RRP36: variants seen among roughly 807,000 people sequenced by gnomAD.
RRP36 encodes ribosomal RNA processing 36.
RRP36 carries 44 observed loss-of-function variants against 39.8 expected under a neutral mutation model. The observed-to-expected ratio is 1.10, with a 90% confidence interval of 0.87 to 1.42. RRP36 has a LOEUF of 1.42. RRP36 is among the 40% of genes most tolerant of loss of function. The pLI is 0.00. For synonymous variants in RRP36, 124 were observed against 123.1 expected (o/e 1.01, Z -0.05); for missense variants, 316 against 322.4 (o/e 0.98, Z 0.15).
chr6:43,024,995 CAT>C lies in RRP36; in HGVS notation c.142_143del (p.Met48ValfsTer3), dbSNP rs1222865785. On this transcript the variant is annotated frameshift_variant, in exon 2 of 7. Coordinates refer to ENST00000244496, the MANE Select transcript of RRP36 (RefSeq NM_033112.4). LOFTEE classifies it high-confidence loss of function. ...TCCCCACTTCCACAGGCACATCTAA[CAT>C]GTCATTTGAGGAGCTGTTGGAATTG... ...ARDLLRGTSN[M>X]SFEELLELQS... 3.1e-6 allele frequency: 5 copies of C among 1,613,784 alleles called. No homozygotes were observed. Among genetic ancestry groups the C allele is most frequent in the Admixed American group, 3.3e-5 (2 of 59,988 alleles).
At chr6:43,021,916 G>A in intron 1 of RRP36, 132 bp downstream of exon 1, 1 of 620,956 alleles carries the variant, frequency 1.6e-6, no homozygotes, top group Non-Finnish European at 2.2e-6. Flanking sequence ...GGTGCCCCCA[G>A]TGCAGTGGAA....
rs750491646 is a variant in RRP36, at chr6:43,029,187, G to A, written c.739G>A (p.Ala247Thr). The change falls in exon 7 of 7, where the codon GCA becomes ACA. Residue 247 changes from alanine to threonine, a missense_variant. Transcript: ENST00000244496. ...NFLSRKRRRN[A>T]GKDRRHLPLS... is the part of the protein sequence containing the mutation. ...CTTGAGTCGAAAGAGGCGACGAAAT[G>A]CAGGCAAGGACAGGAGACATCTCCC... 3.7e-6 allele frequency: 6 copies of A among 1,614,256 alleles called. No individual in the cohort carries two copies. The Admixed American group carries it at 8.3e-5, about 22-fold the overall frequency.
rs750654811 is a variant in RRP36 at position 43,025,144 on chromosome 6, T to C, written c.278+12T>C. On this transcript the variant is annotated intron_variant, in intron 2 of 6. Coordinates refer to ENST00000244496, the MANE Select transcript of RRP36 (RefSeq NM_033112.4). ...GCAGATAAGCACAGGTAAGCAAGGC[T>C]TGCCCTAGAAGTTGGAAGATAACTG... 6.2e-7 allele frequency: 1 copy of C among 1,614,006 alleles called. No homozygotes were observed. The highest frequency in any genetic ancestry group is 8.5e-7 in the Non-Finnish European group (1 of 1,179,906).
intron 1 of RRP36, among the ~76,000 whole-genome samples, chr6:43,023,101 A>C (rs1762756430): frequency 6.6e-6 from 1 of 152,208 alleles, no homozygotes; most frequent in African/African-American, 2.4e-5. Flanking sequence ...TAAAGTAGTC[A>C]AACACTCCTA....
chr6:43,027,217 G>C lies in RRP36; in HGVS notation c.490G>C (p.Glu164Gln), dbSNP rs1762828086. ...GTTGAAGAAGCACCTTTCAGGAGAG[G>C]AGCATGAGAAACTGCAGCAACTGCT... is the stretch of plus-strand genomic sequence containing the variant. ...KQLKKHLSGE[E>Q]HEKLQQLLQR... Residue 164 changes from glutamate (E) to glutamine (Q), a missense_variant, in exon 5 of 7, where the codon GAG becomes CAG. By Grantham distance (29) the Glu-to-Gln change is conservative. Transcript: ENST00000244496. The C allele has an allele frequency of 6.2e-7, 1 of 1,614,098 alleles. No homozygotes were observed. Among genetic ancestry groups the C allele is most frequent in the African/African-American group, 1.3e-5 (1 of 74,940 alleles).
chr6:43,028,466 G>A (rs1762857008), intron 6 of RRP36, among the ~76,000 whole-genome samples: 2 of 151,686 alleles, frequency 1.3e-5, no homozygotes, highest in African/African-American at 2.4e-5. Context: ...TGGCAAACAT[G>A]GTGAAACCCC....
At chr6:43,028,183 T>C (rs773698536) in intron 6 of RRP36, among the ~76,000 whole-genome samples, 1 of 147,720 alleles carries the variant, frequency 6.8e-6, no homozygotes, top group African/African-American at 2.5e-5. Context: ...ATAAAAAAAT[T>C]AGCCGGGCCT....
At position 43,029,158 on chromosome 6, in the gene RRP36, ACTT is replaced by A; in HGVS notation, c.714_716del (p.Phe238del). 1 of 1,614,206 alleles carries A rather than the reference ACTT, an allele frequency of 6.2e-7. No individual in the cohort carries two copies. The highest frequency in any genetic ancestry group is 8.5e-7 in the Non-Finnish European group (1 of 1,180,038). ...CTGAAACGCAGCAAGAAATTGGAGA[ACTT>A]CTTGAGTCGAAAGAGGCGACGAAAT... On this transcript the variant is annotated inframe_deletion, in exon 7 of 7. Coordinates refer to ENST00000244496, the MANE Select transcript of RRP36 (RefSeq NM_033112.4).
At chr6:43,027,530 G>T (rs1762836244) in intron 6 of RRP36, 53 bp downstream of exon 6, 2 of 1,453,484 alleles carry the variant, frequency 1.4e-6, no homozygotes, top group Non-Finnish European at 1.9e-6. Context: ...GGGCCATGGT[G>T]GTAGAGTCTT....
At chr6:43,022,726 G>A (rs1762747655) in intron 1 of RRP36, among the ~76,000 whole-genome samples, 1 of 146,278 alleles carries the variant, frequency 6.8e-6, no homozygotes, top group Admixed American at 7.0e-5. Flanking sequence ...TCCGCCTCCC[G>A]TGTTTACGCC....
At chr6:43,027,828 T>TACACACAC (rs143577260) in intron 6 of RRP36, among the ~76,000 whole-genome samples, 2 of 139,184 alleles carry the variant, frequency 1.4e-5, no homozygotes, top group African/African-American at 5.4e-5. Context: ...TCTCTTGGTC[T>TACACACAC]ACACACACAC....
rs765745200 is a variant in RRP36, at chr6:43,029,097, C to T, written c.649C>T (p.Gln217Ter). 4 of 1,614,184 alleles carry T rather than the reference C, an allele frequency of 2.5e-6. No homozygotes were observed. In the South Asian group the frequency reaches 3.3e-5, roughly 13 times the overall value. The change falls in exon 7 of 7, where the codon CAG becomes TAG. Residue 217 changes from glutamine (Q) to a stop codon, truncating the protein, a stop_gained. Coordinates refer to ENST00000244496, the MANE Select transcript of RRP36 (RefSeq NM_033112.4). LOFTEE classifies it high-confidence loss of function. ...HRPYFLKKSE[Q>*]RQLALAEKFK... ...TCATTCTCCCTGTCATTTAGCTGAG[C>T]AGCGCCAGTTGGCACTAGCTGAGAA...
At chr6:43,025,622 CAAAAAAA>C (rs1219326852) in intron 3 of RRP36, among the ~76,000 whole-genome samples, 1 of 63,714 alleles carries the variant, frequency 1.6e-5, no homozygotes, top group East Asian at 4.4e-4. Context: ...GACTCTGTCT[CAAAAAAA>C]AAAAAAAAAA....
At chr6:43,028,993 C>T (rs1561864563) in intron 6 of RRP36, 99 bp from the exon 7 acceptor site, 1 of 1,483,940 alleles carries the variant, frequency 6.7e-7, no homozygotes. Flanking sequence ...TTAAAGAACT[C>T]ATGTATCCAG....
chr6:43,025,492 G>A (rs1266919892), intron 3 of RRP36, among the ~76,000 whole-genome samples, 163 bp downstream of exon 3: 2 of 151,866 alleles, frequency 1.3e-5, no homozygotes, highest in Non-Finnish European at 2.9e-5. Flanking sequence ...GCATGGTGGT[G>A]TGTGCCTGTA....
At chr6:43,029,057 T>G (rs768317764) in intron 6 of RRP36, 35 bp from the exon 7 acceptor site, 5 of 1,612,112 alleles carry the variant, frequency 3.1e-6, no homozygotes, top group Non-Finnish European at 4.2e-6. Flanking sequence ...GGCTTCCTTC[T>G]TTGTTCACCA....
intron 1 of RRP36, among the ~76,000 whole-genome samples, chr6:43,022,944 T>G (rs1009554145): frequency 6.6e-6 from 1 of 152,068 alleles, no homozygotes; most frequent in African/African-American, 2.4e-5. Flanking sequence ...TCTCATCATG[T>G]TACCAGGTGC....
Position 43,025,000 on chromosome 6 carries a change from C to G in RRP36, c.146C>G (p.Ser49Ter). ...ACTTCCACAGGCACATCTAACATGT[C>G]ATTTGAGGAGCTGTTGGAATTGCAG... ...RDLLRGTSNM[S>*]FEELLELQSQ... is the part of the protein sequence containing the mutation. Residue 49 changes from serine (S) to a stop codon, truncating the protein, a stop_gained, in exon 2 of 7, where the codon TCA (serine) becomes TGA (stop). Coordinates refer to ENST00000244496, the MANE Select transcript of RRP36 (RefSeq NM_033112.4). LOFTEE classifies it high-confidence loss of function. The G allele has an allele frequency of 6.2e-7, 1 of 1,613,938 alleles. No homozygotes were observed. Among genetic ancestry groups the G allele is most frequent in the Non-Finnish European group, 8.5e-7 (1 of 1,180,036 alleles).
rs945396130 is a variant in RRP36, at chr6:43,029,470, C to T, written c.*242C>T. ...TCATTGCGTCCTCGTGTTCTTCTCTCATCCTTGCCTTAAACCAGGGATTCT... is the reference window on the plus strand; with the variant it reads ...TCATTGCGTCCTCGTGTTCTTCTCTTATCCTTGCCTTAAACCAGGGATTCT... On this transcript the variant is annotated 3_prime_UTR_variant, in exon 7 of 7. Transcript: ENST00000244496. 5 of 406,850 alleles carry T rather than the reference C, an allele frequency of 1.2e-5. No homozygotes were observed. Among genetic ancestry groups the T allele is most frequent in the Non-Finnish European group, 2.2e-5 (5 of 229,214 alleles). 25.2% of individuals were successfully genotyped at this position (406,850 alleles called of 1,614,324 possible).
Sources: allele counts gnomAD v4.1 joint callset (sites outside exome capture counted in the v4.1 genomes callset), GRCh38; gene constraint gnomAD v4.1.1; transcripts MANE v1.5; gene names NCBI Gene and HGNC (gene_info 2026-07-23, HGNC 2026-07-21).